MAP3K15: variants seen among roughly 807,000 people sequenced by gnomAD.
MAP3K15 encodes MAPK/ERK kinase kinase 15.
MAP3K15 carries 124 observed loss-of-function variants against 99.5 expected under a neutral mutation model. The observed-to-expected ratio is 1.25, with a 90% confidence interval of 1.08 to 1.45. The LOEUF (loss-of-function observed/expected upper bound fraction) is 1.45. MAP3K15 is among the 40% of genes most tolerant of loss of function. The pLI, the probability that MAP3K15 is intolerant of heterozygous loss-of-function variation, is 0.00. For synonymous variants in MAP3K15, 494 were observed against 439.6 expected (o/e 1.12, Z -1.55); for missense variants, 1,242 against 1,079.7 (o/e 1.15, Z -2.11).
chrX:19,362,377 A>AT (rs2063297631), intron 26 of MAP3K15, among the ~76,000 whole-genome samples: 1 of 108,945 alleles, frequency 9.2e-6, no homozygotes, highest in African/African-American at 3.4e-5. Flanking sequence ...GACTACAGGC[A>AT]TGCATCCACC....
intron 4 of MAP3K15, among the ~76,000 whole-genome samples, chrX:19,463,833 C>T (rs765272960): frequency 9.0e-6 from 1 of 110,764 alleles, no homozygotes; most frequent in South Asian, 3.9e-4. Flanking sequence ...CCCCAACAGC[C>T]ACGCGAGTGT....
chrX:19,380,291 A>G lies in MAP3K15; in HGVS notation c.2432-14T>C, dbSNP rs1406074484. ...ACTGCAGGGTGCCTATTTGGAAAAC[A>G]AACAAACAGGCTGTGGGTACCATAT... On this transcript the variant is annotated splice_polypyrimidine_tract_variant and intron_variant, in intron 18 of 28. Transcript: ENST00000338883. 6.6e-6 allele frequency: 8 copies of G among 1,205,005 alleles called. No homozygotes were observed. Among genetic ancestry groups the G allele is most frequent in the Non-Finnish European group, 9.0e-6 (8 of 893,168 alleles).
intron 7 of MAP3K15, among the ~76,000 whole-genome samples, chrX:19,428,525 T>C (rs2063851499): frequency 1.5e-5 from 1 of 67,826 alleles, no homozygotes; most frequent in South Asian, 5.6e-4. Flanking sequence ...ACTTACACTA[T>C]GGTGGAAGGG....
intron 13 of MAP3K15, among the ~76,000 whole-genome samples, chrX:19,403,080 G>C (rs754485241): frequency 1.8e-5 from 2 of 111,607 alleles, no homozygotes; most frequent in African/African-American, 3.3e-5. Context: ...AATCAAAACA[G>C]TTATCACTGG....
intron 15 of MAP3K15, among the ~76,000 whole-genome samples, chrX:19,396,831 T>A (rs903140668): frequency 1.8e-5 from 2 of 111,916 alleles, no homozygotes; most frequent in Non-Finnish European, 3.8e-5. Flanking sequence ...CAACTGTGTA[T>A]GTAGCTTCTC....
chrX:19,511,407 T>C (rs953068264), intron 1 of MAP3K15, among the ~76,000 whole-genome samples: 2 of 112,076 alleles, frequency 1.8e-5, no homozygotes, highest in Non-Finnish European at 1.9e-5. Flanking sequence ...GAGAACGTTT[T>C]TGGAATCTAT....
At chrX:19,454,885 T>C (rs747544287) in intron 6 of MAP3K15, among the ~76,000 whole-genome samples, 2 of 112,127 alleles carry the variant, frequency 1.8e-5, no homozygotes, top group East Asian at 5.6e-4. Flanking sequence ...AATGCTCCAA[T>C]GAGCATTTCC....
intron 6 of MAP3K15, among the ~76,000 whole-genome samples, chrX:19,440,901 G>T (rs755840446): frequency 1.8e-5 from 2 of 112,476 alleles, no homozygotes; most frequent in South Asian, 7.4e-4. Flanking sequence ...TAGGACACGA[G>T]ACTGACTTGT....
At chrX:19,364,892 TC>T (rs1303582982) in intron 25 of MAP3K15, among the ~76,000 whole-genome samples, 2 of 58,192 alleles carry the variant, frequency 3.4e-5, no homozygotes, top group Admixed American at 2.0e-4. Flanking sequence ...AAACTCTGTC[TC>T]AAAAAAAAAA....
Position 19,360,563 on chromosome X carries a change from T to TATGTTTATAAATAACAGGTTTC in MAP3K15, c.*164_*185dup. The stretch of plus-strand genomic sequence containing the variant: ...ACTGTTTTCACAATACACACAGTTC[T>TATGTTTATAAATAACAGGTTTC]ATGTTTATAAATAACAGGTTTCAAA... On this transcript the variant is annotated 3_prime_UTR_variant, in exon 29 of 29. Transcript: ENST00000338883. 1 of 398,742 alleles carries TATGTTTATAAATAACAGGTTTC rather than the reference T, an allele frequency of 2.5e-6. No homozygotes were observed. 32.9% of individuals were successfully genotyped at this position (398,742 alleles called of 1,213,427 possible).
intron 3 of MAP3K15, among the ~76,000 whole-genome samples, chrX:19,474,028 C>T (rs887591493): frequency 4.5e-5 from 5 of 111,688 alleles, no homozygotes; most frequent in Non-Finnish European, 7.5e-5. Context: ...CATCTTTGTA[C>T]TGTGATCTTT....
chrX:19,422,180 G>A (rs927664687), intron 9 of MAP3K15, among the ~76,000 whole-genome samples: 2 of 110,022 alleles, frequency 1.8e-5, no homozygotes, highest in Admixed American at 1.9e-4. Context: ...ATTGACAAAT[G>A]GGATCTAATT....
At chrX:19,463,935 G>T (rs2064148037) in intron 4 of MAP3K15, among the ~76,000 whole-genome samples, 1 of 110,834 alleles carries the variant, frequency 9.0e-6, no homozygotes, top group Non-Finnish European at 1.9e-5. Flanking sequence ...CTTCCTATAA[G>T]TTGTCTTATC....
intron 25 of MAP3K15, 116 bp downstream of exon 25, chrX:19,368,938 C>T: frequency 1.2e-6 from 1 of 816,420 alleles, no homozygotes; most frequent in South Asian, 3.7e-5. Context: ...GATGAAGCTG[C>T]TTTTTCCTAA....
At chrX:19,485,847 CA>C (rs2064321318) in intron 3 of MAP3K15, among the ~76,000 whole-genome samples, 1 of 111,235 alleles carries the variant, frequency 9.0e-6, no homozygotes, top group Admixed American at 9.6e-5. Flanking sequence ...GGAGTGCACT[CA>C]AGGGTACAGG....
At chrX:19,508,120 G>C (rs973656031) in intron 1 of MAP3K15, among the ~76,000 whole-genome samples, 5 of 106,203 alleles carry the variant, frequency 4.7e-5, no homozygotes, top group Non-Finnish European at 9.7e-5. Context: ...CACCCGCCTC[G>C]GCCTCCCAAA....
intron 9 of MAP3K15, among the ~76,000 whole-genome samples, chrX:19,417,242 G>A (rs897761934): frequency 4.4e-5 from 5 of 112,559 alleles, no homozygotes; most frequent in African/African-American, 9.7e-5. Context: ...AAAGCAGGGC[G>A]AGGCACTGCC....
Position 19,370,961 on chromosome X carries a change from G to A in MAP3K15, c.3398C>T (p.Pro1133Leu). ...TTGACCACAAAGGGGGCGCTCACCT[G>A]GGATGAGAATGGTGACCGCGGCCTG... ...AVQAAVTILI[P>L]ELRAHFEPTC... Residue 1133 changes from proline (P) to leucine (L), a missense_variant and splice_region_variant, in exon 24 of 29, where the codon CCA becomes CTA. Coordinates refer to ENST00000338883, the MANE Select transcript of MAP3K15 (RefSeq NM_001001671.4). 1 of 1,185,578 alleles carries A rather than the reference G, an allele frequency of 8.4e-7. No homozygotes were observed. The highest frequency in any genetic ancestry group is 1.1e-6 in the Non-Finnish European group (1 of 881,332).
At chrX:19,406,828 A>G (rs1042872781) in intron 13 of MAP3K15, among the ~76,000 whole-genome samples, 1 of 112,207 alleles carries the variant, frequency 8.9e-6, no homozygotes, top group African/African-American at 3.2e-5. Flanking sequence ...CAGCCTCTCA[A>G]GTAGCTGGGA....
Sources: gnomAD v4.1 joint callset for allele counts (sites outside exome capture counted in the v4.1 genomes callset) on GRCh38, gnomAD v4.1.1 for gene constraint, MANE v1.5 for transcripts, NCBI Gene and HGNC (gene_info 2026-07-23, HGNC 2026-07-21) for gene names.